Variants in SLC2A9 observed in about 807,000 individuals in gnomAD.
SLC2A9 encodes solute carrier family 2, facilitated glucose transporter member 9.
Under a neutral mutation model 50.6 loss-of-function variants are expected in SLC2A9, and 39 were observed. The observed-to-expected ratio is 0.77, with a 90% CI of 0.60 to 1.01. SLC2A9 has a LOEUF of 1.01. Ranked by LOEUF, SLC2A9 falls within the 50% of genes least tolerant of loss-of-function variation. SLC2A9 has a pLI of 0.00. For synonymous variants in SLC2A9, 324 were observed against 276.9 expected, an observed-to-expected ratio of 1.17 and a Z score of -1.69; for missense variants, 686 against 677.6, an observed-to-expected ratio of 1.01 and a Z score of -0.14.
downstream of SLC2A9, among the ~76,000 whole-genome samples, chr4:9,821,412 C>G (rs1724379998): frequency 6.6e-6 from 1 of 152,002 alleles, no homozygotes; most frequent in African/African-American, 2.4e-5. Context: ...AAACGAAACA[C>G]TGTATGTTCT....
intron 5 of SLC2A9, among the ~76,000 whole-genome samples, chr4:9,970,756 G>GA (rs1560410080): frequency 1.3e-5 from 2 of 151,954 alleles, no homozygotes. Flanking sequence ...CCTGTTTTAA[G>GA]AAAAAAACAA....
At chr4:9,805,696 T>G (rs1404815772) in intron 3 of SLC2A9, among the ~76,000 whole-genome samples, 4 of 148,428 alleles carry the variant, frequency 2.7e-5, no homozygotes, top group African/African-American at 1.0e-4. Flanking sequence ...AGTTTTTTTT[T>G]TTTTTTTTTG....
At chr4:9,907,426 T>C (rs905118657) in intron 8 of SLC2A9, among the ~76,000 whole-genome samples, 2 of 152,242 alleles carry the variant, frequency 1.3e-5, no homozygotes, top group African/African-American at 4.8e-5. Context: ...ACCAGATGTT[T>C]GTTTTGCATA....
rs761607429 is a variant in SLC2A9 at position 9,996,890 on chromosome 4, T to C, written c.301A>G (p.Ile101Val). The change falls in exon 3 of 12, where the codon ATA (isoleucine) becomes GTA (valine). Residue 101 changes from isoleucine (I) to valine (V), a missense_variant. Ile to Val is a conservative substitution (Grantham distance 29). Transcript: ENST00000264784. ...ESWERRHGRPIDPDTLTLLWS... is the reference protein window; with the variant it reads ...ESWERRHGRPVDPDTLTLLWS... ...AGCAAAGTCAGAGTGTCTGGGTCTA[T>C]TGGACGTCCATGCCTTCTTTCCCAT... 1 of 1,614,182 alleles carries C rather than the reference T, an allele frequency of 6.2e-7. No individual in the cohort carries two copies. Among genetic ancestry groups the C allele is most frequent in the Non-Finnish European group, 8.5e-7 (1 of 1,180,010 alleles).
At position 9,874,924 on chromosome 4, in the gene SLC2A9, T is replaced by C. The variant is rs537216537; in HGVS notation, c.1291+12643A>G. On this transcript the variant is annotated intron_variant, in intron 10 of 11. Transcript: ENST00000264784. Reference sequence around the variant, plus strand: ...TGTCTAAGATGGGATGCTGTGTCTTTAGAAATGGCCATAGGTTAGCGTCTG... The same window carrying C: ...TGTCTAAGATGGGATGCTGTGTCTTCAGAAATGGCCATAGGTTAGCGTCTG... Among the ~76,000 whole-genome samples, 10 of 147,414 alleles carry C rather than the reference T, an allele frequency of 6.8e-5. No individual in the cohort carries two copies. In the East Asian group the frequency reaches 1.6e-3, roughly 23 times the overall value.
intron 5 of SLC2A9, among the ~76,000 whole-genome samples, chr4:9,970,794 A>G (rs1753777934): frequency 6.6e-6 from 1 of 152,230 alleles, no homozygotes. Flanking sequence ...CAGGCAGCCC[A>G]GCGCCAGGCG....
chr4:9,915,683 A>G (rs781014475), intron 7 of SLC2A9, among the ~76,000 whole-genome samples: 8 of 152,214 alleles, frequency 5.3e-5, no homozygotes, highest in Non-Finnish European at 1.0e-4. Context: ...GATGACCCCA[A>G]GCCTGGCACT....
chr4:9,903,296 C>T (rs1934421411), intron 8 of SLC2A9, among the ~76,000 whole-genome samples: 1 of 151,936 alleles, frequency 6.6e-6, no homozygotes, highest in East Asian at 1.9e-4. Flanking sequence ...AGAGCATATT[C>T]CATTCTTGCT....
At chr4:10,013,883 C>T (rs1284999432) in intron 2 of SLC2A9, among the ~76,000 whole-genome samples, 1 of 152,148 alleles carries the variant, frequency 6.6e-6, no homozygotes, top group Non-Finnish European at 1.5e-5. Context: ...CAAGCCTGGG[C>T]CAGTGCTAAA....
At chr4:9,780,517 C>T (rs1360006051) in intron 3 of SLC2A9, among the ~76,000 whole-genome samples, 2 of 152,130 alleles carry the variant, frequency 1.3e-5, no homozygotes, top group African/African-American at 2.4e-5. Context: ...GATGTTGGTC[C>T]AGGGTACAGG....
intron 1 of SLC2A9, among the ~76,000 whole-genome samples, chr4:10,038,506 C>CAAAAAAA (rs35698968): frequency 2.0e-5 from 1 of 49,428 alleles, no homozygotes. Flanking sequence ...GACTCTGTCT[C>CAAAAAAA]AAAAAAAAAA....
At chr4:10,007,934 T>C (rs939393904) in intron 2 of SLC2A9, among the ~76,000 whole-genome samples, 2 of 152,236 alleles carry the variant, frequency 1.3e-5, no homozygotes, top group Non-Finnish European at 2.9e-5. Flanking sequence ...CCGAGCATGA[T>C]GTCAGCATAC....
intron 5 of SLC2A9, among the ~76,000 whole-genome samples, chr4:9,975,084 T>C (rs1440132345): frequency 6.6e-6 from 1 of 152,124 alleles, no homozygotes; most frequent in East Asian, 1.9e-4. Context: ...CCCTACATTT[T>C]ACCATATACA....
At chr4:9,935,166 T>C (rs1042014870) in intron 6 of SLC2A9, among the ~76,000 whole-genome samples, 2 of 152,264 alleles carry the variant, frequency 1.3e-5, no homozygotes, top group Non-Finnish European at 2.9e-5. Context: ...CCTTTGGGTA[T>C]ATGCCCAGTA....
chr4:10,011,059 G>C (rs181286863), intron 2 of SLC2A9, among the ~76,000 whole-genome samples: 1 of 152,304 alleles, frequency 6.6e-6, no homozygotes, highest in African/African-American at 2.4e-5. Context: ...TCATGGATCA[G>C]CTACTCTTGA....
At chr4:9,814,205 A>C (rs1723257643) in intron 3 of SLC2A9, among the ~76,000 whole-genome samples, 1 of 152,228 alleles carries the variant, frequency 6.6e-6, no homozygotes, top group East Asian at 1.9e-4. Flanking sequence ...TTCTACACAG[A>C]GGAAACACTA....
intron 1 of SLC2A9, among the ~76,000 whole-genome samples, chr4:10,031,713 C>G (rs1763945642): frequency 6.6e-6 from 1 of 152,262 alleles, no homozygotes; most frequent in Non-Finnish European, 1.5e-5. Flanking sequence ...TTGCAGAACT[C>G]CTGCCTTGTG....
intron 10 of SLC2A9, among the ~76,000 whole-genome samples, chr4:9,842,319 TA>T (rs1464154368): frequency 6.6e-6 from 1 of 152,222 alleles, no homozygotes; most frequent in Non-Finnish European, 1.5e-5. Context: ...GCTTCAAAAT[TA>T]AAGAGCAGGT....
At chr4:9,938,230 T>G (rs965399869) in intron 6 of SLC2A9, among the ~76,000 whole-genome samples, 1 of 152,024 alleles carries the variant, frequency 6.6e-6, no homozygotes, top group African/African-American at 2.4e-5. Flanking sequence ...TCAGGAGAAA[T>G]TTTCTGTGTC....
Sources: allele counts gnomAD v4.1 joint callset (sites outside exome capture counted in the v4.1 genomes callset), GRCh38; gene constraint gnomAD v4.1.1; transcripts MANE v1.5; gene names NCBI Gene and HGNC (gene_info 2026-07-23, HGNC 2026-07-21).